MMP26: variants seen among roughly 807,000 people sequenced by gnomAD.
MMP26 encodes the protein matrix metallopeptidase 26, also known as matrix metalloproteinase-26.
A neutral mutation model predicts 31.0 loss-of-function variants in MMP26; 33 were observed. The ratio of observed to expected loss-of-function variants is 1.06; its 90% CI spans 0.81 to 1.42. The LOEUF (loss-of-function observed/expected upper bound fraction) is 1.42. Ranked by LOEUF, MMP26 falls within the 40% of genes most tolerant of loss-of-function variation. The pLI, the probability that MMP26 is intolerant of heterozygous loss-of-function variation, is 0.00. For missense variants in MMP26, 347 were observed against 316.1 expected (o/e 1.10, Z -0.74); for synonymous variants, 122 against 114.9 (o/e 1.06, Z -0.40).
intron 2 of MMP26, among the ~76,000 whole-genome samples, chr11:4,818,488 GA>G (rs1196792234): frequency 2.0e-5 from 3 of 151,062 alleles, no homozygotes; most frequent in Admixed American, 6.6e-5. Flanking sequence ...GACTGTCTTT[GA>G]AAAAAAGATT....
At chr11:4,745,435 T>G (rs1223849024) in intron 1 of MMP26, among the ~76,000 whole-genome samples, 2 of 152,150 alleles carry the variant, frequency 1.3e-5, no homozygotes, top group African/African-American at 4.8e-5. Flanking sequence ...GAATCCTGCA[T>G]TTTAATAGAC....
chr11:4,829,277 A>G (rs1004342362), intron 2 of MMP26, among the ~76,000 whole-genome samples: 10 of 151,884 alleles, frequency 6.6e-5, no homozygotes, highest in African/African-American at 2.4e-4. Context: ...AGTTTACTGG[A>G]CTCTTTTCTC....
At chr11:4,718,196 C>A (rs893739771) in intron 1 of MMP26, among the ~76,000 whole-genome samples, 2 of 152,140 alleles carry the variant, frequency 1.3e-5, no homozygotes, top group Non-Finnish European at 2.9e-5. Flanking sequence ...TTGGATGGGC[C>A]TCTAAAAGCT....
intron 1 of MMP26, among the ~76,000 whole-genome samples, chr11:4,712,657 T>C (rs1006284035): frequency 6.6e-6 from 1 of 152,162 alleles, no homozygotes; most frequent in African/African-American, 2.4e-5. Context: ...ACAATTTTGA[T>C]TCATGCTTTA....
chr11:4,709,730 G>A, intron 1 of MMP26: 1 of 460,736 alleles, frequency 2.2e-6, no homozygotes, highest in Non-Finnish European at 4.4e-6. Flanking sequence ...TCATCACTGA[G>A]TCAAGCCTCC....
At chr11:4,835,391 C>G (rs1199673563) in intron 2 of MMP26, among the ~76,000 whole-genome samples, 2 of 151,420 alleles carry the variant, frequency 1.3e-5, no homozygotes, top group Non-Finnish European at 2.9e-5. Context: ...CTTGCTAATA[C>G]TTTCTCCCCT....
chr11:4,979,876 A>C (rs1846789089), intron 2 of MMP26, among the ~76,000 whole-genome samples: 1 of 152,082 alleles, frequency 6.6e-6, no homozygotes, highest in Non-Finnish European at 1.5e-5. Context: ...AAAAATCAGA[A>C]ATAATTCATG....
At chr11:4,906,007 CTAAT>C (rs1197367617) in intron 2 of MMP26, among the ~76,000 whole-genome samples, 3 of 152,050 alleles carry the variant, frequency 2.0e-5, no homozygotes, top group Admixed American at 1.3e-4. Flanking sequence ...ATTTCTCTGA[CTAAT>C]TAAATACAGA....
intron 2 of MMP26, among the ~76,000 whole-genome samples, chr11:4,980,594 G>C (rs753201068): frequency 6.6e-6 from 1 of 152,004 alleles, no homozygotes; most frequent in Non-Finnish European, 1.5e-5. Flanking sequence ...CAACGAAATA[G>C]TGAAAGCTGT....
chr11:4,941,469 G>A (rs1465737177), intron 2 of MMP26, among the ~76,000 whole-genome samples: 1 of 152,208 alleles, frequency 6.6e-6, no homozygotes, highest in African/African-American at 2.4e-5. Flanking sequence ...TACAGTTGGT[G>A]ATAATGAATT....
At chr11:4,801,628 C>T (rs562238723) in intron 2 of MMP26, among the ~76,000 whole-genome samples, 11 of 151,820 alleles carry the variant, frequency 7.2e-5, no homozygotes, top group East Asian at 1.9e-4. Flanking sequence ...CCGCAACCTC[C>T]GCTTCCCCAG....
intron 2 of MMP26, among the ~76,000 whole-genome samples, chr11:4,850,859 A>G (rs1849966177): frequency 6.7e-6 from 1 of 148,238 alleles, no homozygotes; most frequent in Non-Finnish European, 1.5e-5. Flanking sequence ...GGCTAACCCT[A>G]AACATTTATT....
intron 2 of MMP26, among the ~76,000 whole-genome samples, chr11:4,932,681 G>T (rs1479276070): frequency 6.6e-6 from 1 of 152,100 alleles, no homozygotes; most frequent in Non-Finnish European, 1.5e-5. Flanking sequence ...ATATATAATT[G>T]TTGTTGTTTT....
intron 2 of MMP26, chr11:4,955,841 G>T (rs1846435926): frequency 1.6e-6 from 1 of 624,752 alleles, no homozygotes; most frequent in African/African-American, 1.8e-5. Flanking sequence ...AAAATTTGTG[G>T]CTTCTTTCAG....
chr11:4,783,923 T>G (rs1848900067), intron 2 of MMP26, among the ~76,000 whole-genome samples: 1 of 152,212 alleles, frequency 6.6e-6, no homozygotes, highest in Admixed American at 6.5e-5. Flanking sequence ...ATGTGGAGCT[T>G]TAAGTCCAGT....
chr11:4,731,142 C>G (rs1226560427), intron 1 of MMP26, among the ~76,000 whole-genome samples: 1 of 152,072 alleles, frequency 6.6e-6, no homozygotes, highest in African/African-American at 2.4e-5. Context: ...TGAGGTTTCA[C>G]TATGTTGGCC....
intron 1 of MMP26, among the ~76,000 whole-genome samples, chr11:4,717,301 C>T (rs966755408): frequency 6.6e-6 from 1 of 152,182 alleles, no homozygotes. Flanking sequence ...GTCTGGATTG[C>T]GGCTTGCACT....
chr11:4,788,178 T>C (rs1161295028), intron 2 of MMP26, among the ~76,000 whole-genome samples: 1 of 152,168 alleles, frequency 6.6e-6, no homozygotes, highest in Non-Finnish European at 1.5e-5. Flanking sequence ...ACTATGACCC[T>C]ATTCCTCTTC....
intron 2 of MMP26, among the ~76,000 whole-genome samples, chr11:4,864,165 T>TA (rs958186986): frequency 2.6e-5 from 4 of 151,960 alleles, no homozygotes; most frequent in Admixed American, 1.3e-4. Context: ...CAGGAACATA[T>TA]AAAAAAAAGA....
Sources: gnomAD v4.1 joint callset for allele counts (sites outside exome capture counted in the v4.1 genomes callset) on GRCh38, gnomAD v4.1.1 for gene constraint, MANE v1.5 for transcripts, NCBI Gene and HGNC (gene_info 2026-07-23, HGNC 2026-07-21) for gene names.